RELN: variants seen among roughly 807,000 people sequenced by gnomAD.
The protein encoded by RELN is reelin.
A neutral mutation model predicts 427.6 loss-of-function variants in RELN; 108 were observed. That is an observed-to-expected ratio of 0.25 (90% CI 0.22 to 0.30). RELN has a LOEUF of 0.30. Among genes scored for constraint, RELN ranks in the 10% least tolerant of loss-of-function variants. The pLI is 1.00. For missense variants in RELN, 3,715 were observed against 4,302.8 expected, an observed-to-expected ratio of 0.86 and a Z score of 3.82; for synonymous variants, 1,524 against 1,513.4, an observed-to-expected ratio of 1.01 and a Z score of -0.16.
At position 103,575,708 on chromosome 7, in the gene RELN, G is replaced by T; in HGVS notation, c.4146-3C>A. On this transcript the variant is annotated splice_region_variant and splice_polypyrimidine_tract_variant and intron_variant, in intron 28 of 64. Coordinates refer to ENST00000428762, the MANE Select transcript of RELN (RefSeq NM_005045.4). ...GGATCCATCGGAATCTGGTCTTGCT[G>T]TTGGGAAAAACAACACACCTGTTTC... is the stretch of plus-strand genomic sequence containing the variant. 6.2e-7 allele frequency: 1 copy of T among 1,614,114 alleles called. No homozygotes were observed. Among genetic ancestry groups the T allele is most frequent in the South Asian group, 1.1e-5 (1 of 91,078 alleles).
chr7:103,579,057 C>T (rs141705889), intron 28 of RELN, among the ~76,000 whole-genome samples: 101 of 152,308 alleles, frequency 6.6e-4, no homozygotes, highest in African/African-American at 2.1e-3. Flanking sequence ...ACAGTGCTAA[C>T]GCTAGTAATA....
In RELN at chr7:103,929,053, C is replaced by G. The variant is rs4729940; in HGVS notation, c.227-11868G>C. On this transcript the variant is annotated intron_variant, in intron 1 of 64. Transcript: ENST00000428762. ...GTCAGCATATCTTGTTGTGGGAAAT[C>G]CTTGCTGGATGCCAGGGTGCAACCT... Among the ~76,000 whole-genome samples, 610 of 152,268 alleles carry G rather than the reference C, an allele frequency of 4.0e-3. 13 individuals carry two copies. Among genetic ancestry groups the G allele is most frequent in the Admixed American group, 0.032 (491 of 15,292 alleles).
At chr7:103,736,080 A>G (rs959608575) in intron 6 of RELN, among the ~76,000 whole-genome samples, 3 of 152,216 alleles carry the variant, frequency 2.0e-5, no homozygotes, top group African/African-American at 4.8e-5. Context: ...TGAACTTGCA[A>G]AGCAAGGCCA....
chr7:103,690,502 T>C (rs926728805), intron 10 of RELN, among the ~76,000 whole-genome samples: 1 of 152,142 alleles, frequency 6.6e-6, no homozygotes, highest in Non-Finnish European at 1.5e-5. Context: ...GATGATGAGC[T>C]GATACAGTGT....
rs150911356 is a variant in RELN, at chr7:103,600,513, G to A, written c.3333+2791C>T. The stretch of plus-strand genomic sequence containing the variant: ...CAAAACGGGTCTACTCTTTCAAATC[G>A]GGTCTACTCTCAAGGGGAAAGTTCT... On this transcript the variant is annotated intron_variant, in intron 24 of 64. Transcript: ENST00000428762. 2.8e-4 allele frequency among the ~76,000 whole-genome samples: 42 copies of A among 152,134 alleles called. No individual in the cohort carries two copies. In the East Asian group the frequency reaches 7.9e-3, roughly 29 times the overall value.
chr7:103,568,182 A>C (rs1184182688), intron 31 of RELN, among the ~76,000 whole-genome samples: 1 of 152,182 alleles, frequency 6.6e-6, no homozygotes, highest in East Asian at 1.9e-4. Flanking sequence ...AGAACTTCTC[A>C]ACCCTTTATC....
chr7:103,768,165 T>A (rs538281501), intron 4 of RELN, among the ~76,000 whole-genome samples: 1 of 152,274 alleles, frequency 6.6e-6, no homozygotes, highest in East Asian at 1.9e-4. Flanking sequence ...TATTGAATAA[T>A]TTCAGTTCTT....
At chr7:103,508,897 A>G (rs1421082057) in intron 51 of RELN, among the ~76,000 whole-genome samples, 3 of 152,220 alleles carry the variant, frequency 2.0e-5, no homozygotes, top group African/African-American at 4.8e-5. Flanking sequence ...CCCATTCACA[A>G]TTGCTACAAA....
intron 16 of RELN, among the ~76,000 whole-genome samples, chr7:103,649,566 C>A (rs1257817050): frequency 6.6e-5 from 10 of 151,756 alleles, no homozygotes; most frequent in African/African-American, 2.4e-4. Context: ...CCACTGAATC[C>A]TTAAAAATAA....
intron 2 of RELN, among the ~76,000 whole-genome samples, chr7:103,876,840 T>A (rs1398958136): frequency 9.9e-6 from 1 of 100,726 alleles, no homozygotes; most frequent in Non-Finnish European, 2.4e-5. Context: ...TAGGCTTAAA[T>A]TTTTTTTTTT....
intron 24 of RELN, among the ~76,000 whole-genome samples, chr7:103,599,472 G>C (rs1406429297): frequency 1.3e-5 from 2 of 152,094 alleles, no homozygotes. Context: ...GTATTGATTT[G>C]TAAATGTCTA....
chr7:103,630,746 G>C (rs1299682616), intron 19 of RELN, among the ~76,000 whole-genome samples: 1 of 152,016 alleles, frequency 6.6e-6, no homozygotes, highest in Non-Finnish European at 1.5e-5. Context: ...CAGGTGAGAT[G>C]TGAAGCAAAT....
intron 3 of RELN, among the ~76,000 whole-genome samples, chr7:103,795,298 T>G (rs923552370): frequency 2.6e-5 from 4 of 152,216 alleles, no homozygotes; most frequent in African/African-American, 9.6e-5. Context: ...CTGACTCACA[T>G]TTTCTGTGAA....
intron 59 of RELN, among the ~76,000 whole-genome samples, chr7:103,490,354 C>T (rs1828608954): frequency 6.6e-6 from 1 of 152,160 alleles, no homozygotes; most frequent in Non-Finnish European, 1.5e-5. Context: ...GAACTGGTGC[C>T]AACACCAGTC....
At chr7:103,920,593 T>TTTTTTTTTTTA (rs57282777) in intron 1 of RELN, among the ~76,000 whole-genome samples, 1 of 129,420 alleles carries the variant, frequency 7.7e-6, no homozygotes, top group African/African-American at 3.0e-5. Context: ...TTTTTTTTTT[T>TTTTTTTTTTTA]GAGAGAGTCT....
intron 11 of RELN, among the ~76,000 whole-genome samples, chr7:103,667,104 AT>A (rs1474001694): frequency 6.6e-6 from 1 of 152,188 alleles, no homozygotes; most frequent in Non-Finnish European, 1.5e-5. Context: ...ATTGAAGAAA[AT>A]TATCATACTT....
chr7:103,528,823 C>T (rs1045109496), intron 46 of RELN, among the ~76,000 whole-genome samples: 4 of 151,720 alleles, frequency 2.6e-5, no homozygotes, highest in African/African-American at 9.7e-5. Context: ...GCCACTGCAC[C>T]CAGCCAATAA....
chr7:103,589,572 A>G, intron 28 of RELN, 24 bp downstream of exon 28: 3 of 1,486,786 alleles, frequency 2.0e-6, no homozygotes, highest in Non-Finnish European at 2.8e-6. Flanking sequence ...AATGGCCCAA[A>G]CCCATTAAGA....
chr7:103,821,655 C>A (rs975193224), intron 3 of RELN, among the ~76,000 whole-genome samples: 1 of 152,078 alleles, frequency 6.6e-6, no homozygotes, highest in Non-Finnish European at 1.5e-5. Context: ...TTAATGCCTG[C>A]AGGAGGATTT....
Sources: allele counts gnomAD v4.1 joint callset (sites outside exome capture counted in the v4.1 genomes callset), GRCh38; gene constraint gnomAD v4.1.1; transcripts MANE v1.5; gene names NCBI Gene and HGNC (gene_info 2026-07-23, HGNC 2026-07-21).